DLG2: variants seen among roughly 807,000 people sequenced by gnomAD.
The protein encoded by DLG2 is discs large MAGUK scaffold protein 2, also known as disks large homolog 2.
DLG2 carries 45 observed loss-of-function variants against 132.5 expected under a neutral mutation model. That is an observed-to-expected ratio of 0.34 (90% confidence interval 0.27 to 0.44). The LOEUF (loss-of-function observed/expected upper bound fraction) is 0.44, where lower values mean the gene tolerates loss of function less well. DLG2 is among the 20% of genes least tolerant of loss of function. The pLI is 1.00. For synonymous variants in DLG2, 424 were observed against 419.6 expected (o/e 1.01, Z -0.13); for missense variants, 1,045 against 1,196.9 (o/e 0.87, Z 1.87).
chr11:83,888,875 C>A (rs188389479), intron 15 of DLG2, among the ~76,000 whole-genome samples: 12 of 152,196 alleles, frequency 7.9e-5, no homozygotes, highest in South Asian at 2.1e-4. Flanking sequence ...GTATTTAATA[C>A]ATGGTGCTGG....
chr11:84,794,564 A>G (rs1355716748), intron 6 of DLG2, among the ~76,000 whole-genome samples: 1 of 152,096 alleles, frequency 6.6e-6, no homozygotes, highest in African/African-American at 2.4e-5. Flanking sequence ...CTCACCTCCC[A>G]GGATGCAGCT....
Position 83,850,160 on chromosome 11 carries a change from G to GTGTGTT in DLG2, c.1566-16391_1566-16390insAACACA, listed in dbSNP as rs1452960432. 2.6e-3 allele frequency among the ~76,000 whole-genome samples: 326 copies of GTGTGTT among 124,354 alleles called. 1 individual carries two copies. Among genetic ancestry groups the GTGTGTT allele is most frequent in the African/African-American group, 7.3e-3 (202 of 27,710 alleles). The allele number at this position is 124,354 out of a possible 152,430, so 81.6% of individuals were successfully genotyped here. ...TGTGTGTGTGTGTGTGTGTGTGTGT[G>GTGTGTT]TTTTTTTACTTGAGACGGAGTCTCA... is the stretch of plus-strand genomic sequence containing the variant. On this transcript the variant is annotated intron_variant, in intron 16 of 27. Coordinates refer to ENST00000376104, the MANE Select transcript of DLG2 (RefSeq NM_001142699.3).
chr11:84,609,496 A>G (rs1197135689), intron 6 of DLG2, among the ~76,000 whole-genome samples: 1 of 152,158 alleles, frequency 6.6e-6, no homozygotes, highest in Non-Finnish European at 1.5e-5. Flanking sequence ...AAACTGTGCT[A>G]TCTGATGAAC....
chr11:84,721,336 C>T (rs1221046884), intron 6 of DLG2, among the ~76,000 whole-genome samples: 1 of 152,152 alleles, frequency 6.6e-6, no homozygotes, highest in Non-Finnish European at 1.5e-5. Context: ...GGGAAGCGGC[C>T]TCAGAACCAA....
intron 6 of DLG2, among the ~76,000 whole-genome samples, chr11:84,664,362 A>C (rs2099697802): frequency 6.6e-6 from 1 of 152,202 alleles, no homozygotes; most frequent in South Asian, 2.1e-4. Flanking sequence ...CAAATGACTT[A>C]ATTACAAAGT....
chr11:84,012,007 A>T (rs1015828893), intron 11 of DLG2, among the ~76,000 whole-genome samples: 2 of 152,134 alleles, frequency 1.3e-5, no homozygotes, highest in African/African-American at 4.8e-5. Context: ...TTGCTAGATG[A>T]AGATTGTTTT....
chr11:84,958,673 ACT>A (rs2052058232), intron 6 of DLG2, among the ~76,000 whole-genome samples: 1 of 152,046 alleles, frequency 6.6e-6, no homozygotes, highest in African/African-American at 2.4e-5. Context: ...GACAGAGTAA[ACT>A]CTGGTGGGAG....
At chr11:83,745,055 C>T (rs893752650) in intron 18 of DLG2, among the ~76,000 whole-genome samples, 2 of 152,188 alleles carry the variant, frequency 1.3e-5, no homozygotes, top group Non-Finnish European at 2.9e-5. Flanking sequence ...ACCAAAAATA[C>T]GAATCTCAGT....
At chr11:83,643,428 T>C (rs2067180742) in intron 18 of DLG2, among the ~76,000 whole-genome samples, 1 of 152,166 alleles carries the variant, frequency 6.6e-6, no homozygotes, top group African/African-American at 2.4e-5. Context: ...TGTAGTTTAA[T>C]TGGTGTGATT....
intron 7 of DLG2, among the ~76,000 whole-genome samples, chr11:84,323,927 T>G (rs934441719): frequency 1.3e-5 from 2 of 152,054 alleles, no homozygotes; most frequent in Admixed American, 1.3e-4. Flanking sequence ...GGCTATTGAG[T>G]TGTAGGAGTA....
chr11:84,280,736 C>T (rs897527304), intron 7 of DLG2, among the ~76,000 whole-genome samples: 6 of 151,946 alleles, frequency 3.9e-5, no homozygotes, highest in African/African-American at 1.4e-4. Flanking sequence ...CTCACTCTGT[C>T]GCCCAGGCTG....
At chr11:83,894,387 AGAG>A (rs1436312780) in intron 15 of DLG2, among the ~76,000 whole-genome samples, 4 of 152,232 alleles carry the variant, frequency 2.6e-5, no homozygotes, top group African/African-American at 7.2e-5. Context: ...CTATTAGAAC[AGAG>A]GAGATTTCAC....
chr11:84,780,546 T>C (rs1011531617), intron 6 of DLG2, among the ~76,000 whole-genome samples: 1 of 152,136 alleles, frequency 6.6e-6, no homozygotes, highest in Non-Finnish European at 1.5e-5. Context: ...ACTGTTTTCC[T>C]GAGTGGCTGT....
intron 18 of DLG2, among the ~76,000 whole-genome samples, chr11:83,660,648 C>T (rs12290768): frequency 0.094 from 14,253 of 152,072 alleles, 2,145 homozygotes; most frequent in African/African-American, 0.32. Flanking sequence ...GTAACACTGC[C>T]CATGTGACTA....
chr11:84,129,489 C>T (rs1387166890), intron 9 of DLG2, among the ~76,000 whole-genome samples: 1 of 152,020 alleles, frequency 6.6e-6, no homozygotes, highest in Non-Finnish European at 1.5e-5. Context: ...GAATGTTGTA[C>T]ATAATTTCAT....
intron 14 of DLG2, among the ~76,000 whole-genome samples, chr11:83,937,103 T>C (rs550501587): frequency 1.2e-4 from 19 of 152,188 alleles, no homozygotes; most frequent in African/African-American, 4.6e-4. Flanking sequence ...AGGATAAATA[T>C]AGATCTACAA....
chr11:85,031,444 T>C (rs577890653), intron 6 of DLG2, among the ~76,000 whole-genome samples: 2 of 152,272 alleles, frequency 1.3e-5, no homozygotes, highest in Admixed American at 6.5e-5. Flanking sequence ...TGGTTTTATT[T>C]TTCTCATACT....
chr11:83,925,878 C>G (rs962029009), intron 15 of DLG2, among the ~76,000 whole-genome samples: 1 of 151,978 alleles, frequency 6.6e-6, no homozygotes, highest in South Asian at 2.1e-4. Context: ...AGTAGAAAAA[C>G]CAATTAAAAC....
chr11:85,412,709 A>C (rs907045241), intron 3 of DLG2, among the ~76,000 whole-genome samples: 8 of 139,136 alleles, frequency 5.7e-5, no homozygotes, highest in Non-Finnish European at 1.1e-4. Context: ...ATTCCTTTTG[A>C]TGGCTGAGCA....
Sources: allele counts gnomAD v4.1 joint callset (sites outside exome capture counted in the v4.1 genomes callset), GRCh38; gene constraint gnomAD v4.1.1; transcripts MANE v1.5; gene names NCBI Gene and HGNC (gene_info 2026-07-23, HGNC 2026-07-21).